BPIFB2: variants seen among roughly 807,000 people sequenced by gnomAD.
BPIFB2 encodes BPI fold-containing family B member 2.
BPIFB2 carries 39 observed loss-of-function variants against 50.1 expected under a neutral mutation model. That is an observed-to-expected ratio of 0.78 (90% CI 0.60 to 1.02). The LOEUF is 1.02. Ranked by LOEUF, BPIFB2 falls within the 50% of genes least tolerant of loss-of-function variation. The pLI is 0.00. For synonymous variants in BPIFB2, 280 were observed against 256.3 expected, an observed-to-expected ratio of 1.09 and a Z score of -0.88; for missense variants, 574 against 585.8, an observed-to-expected ratio of 0.98 and a Z score of 0.21.
chr20:33,015,400 G>A (rs1978381293), intron 5 of BPIFB2, 36 bp from the exon 6 acceptor site: 2 of 1,584,378 alleles, frequency 1.3e-6, no homozygotes, highest in South Asian at 1.1e-5. Context: ...TAATATGTTT[G>A]GGAGCCCAGG....
chr20:33,020,278 C>T (rs772706562), intron 11 of BPIFB2, 50 bp from the exon 12 acceptor site: 2 of 1,568,182 alleles, frequency 1.3e-6, no homozygotes, highest in African/African-American at 1.4e-5. Context: ...GTGGCTGGTG[C>T]CCCCCTCATG....
At chr20:33,019,465 C>T in intron 10 of BPIFB2, 115 bp from the exon 11 acceptor site, 1 of 1,228,068 alleles carries the variant, frequency 8.1e-7, no homozygotes, top group Non-Finnish European at 1.1e-6. Flanking sequence ...GGACCCACCT[C>T]TGTGCCCAGT....
In BPIFB2 at chr20:33,023,647, T is replaced by G; in HGVS notation, c.*264T>G. 1.7e-6 allele frequency: 1 copy of G among 573,744 alleles called. No homozygotes were observed. The highest frequency in any genetic ancestry group is 3.1e-6 in the Non-Finnish European group (1 of 319,108). The allele number at this position is 573,744 out of a possible 1,614,324, so 35.5% of individuals were successfully genotyped here. A position where few individuals can be genotyped will look rare whatever the true frequency, so the allele number is the denominator to read the frequency against. On this transcript the variant is annotated 3_prime_UTR_variant, in exon 16 of 16. Transcript: ENST00000170150. Reference sequence around the variant, plus strand: ...CCCACCCCAGCGGGGAGCAGACTGCTCCTCCAGGCTGTATAGACCTGCCCT... The same window carrying G: ...CCCACCCCAGCGGGGAGCAGACTGCGCCTCCAGGCTGTATAGACCTGCCCT...
rs1173529527 is a variant in BPIFB2, at chr20:33,013,868, A to T, written c.367A>T (p.Thr123Ser). The T allele has an allele frequency of 6.2e-7, 1 of 1,613,708 alleles. No individual in the cohort carries two copies. Among genetic ancestry groups the T allele is most frequent in the East Asian group, 2.2e-5 (1 of 44,830 alleles). The change falls in exon 5 of 16, where the codon ACC becomes TCC. Residue 123 changes from threonine (T) to serine (S), a missense_variant. Thr to Ser is a moderately conservative substitution (Grantham distance 58, BLOSUM62 1). Transcript: ENST00000170150. ...PVELLADTRV[T>S]QSSIRTPVVS... ...GGAACTGCTGGCTGACACCCGCGTG[A>T]CCCAGAGCTCCATCAGGACCCCTGT...
At chr20:33,015,581 G>C in intron 6 of BPIFB2, 85 bp downstream of exon 6, 1 of 1,260,370 alleles carries the variant, frequency 7.9e-7, no homozygotes, top group Non-Finnish European at 1.1e-6. Context: ...TTCAGGCAGG[G>C]GGTACTTTGC....
intron 6 of BPIFB2, 115 bp downstream of exon 6, chr20:33,015,611 AAAG>A: frequency 1.1e-6 from 1 of 927,152 alleles, no homozygotes; most frequent in Non-Finnish European, 1.6e-6. Flanking sequence ...AAAAAAAAAA[AAAG>A]ACGCCCCTTC....
chr20:33,021,759 T>TC lies in BPIFB2; in HGVS notation c.1296dup (p.Asn433GlnfsTer8), dbSNP rs2146356217. 1 of 1,614,148 alleles carries TC rather than the reference T, an allele frequency of 6.2e-7. No individual in the cohort carries two copies. Among genetic ancestry groups the TC allele is most frequent in the East Asian group, 2.2e-5 (1 of 44,872 alleles). On this transcript the variant is annotated frameshift_variant, in exon 15 of 16. Transcript: ENST00000170150. LOFTEE classifies it high-confidence loss of function. ...ATGGGAATTGCCCTCCCTGGTGTGG[T>TC]CAACCTCCACTATGTCGCCCCTGAG... is the stretch of plus-strand genomic sequence containing the variant.
At chr20:33,022,336 A>G (rs907850640) in intron 15 of BPIFB2, among the ~76,000 whole-genome samples, 1 of 152,198 alleles carries the variant, frequency 6.6e-6, no homozygotes, top group Non-Finnish European at 1.5e-5. Flanking sequence ...CTCAAGCCCA[A>G]TGTCTCACGT....
intron 5 of BPIFB2, 62 bp from the exon 6 acceptor site, chr20:33,015,374 G>C: frequency 6.8e-7 from 1 of 1,479,134 alleles, no homozygotes; most frequent in Non-Finnish European, 9.4e-7. Context: ...GTGCGACTGT[G>C]CTGAGTGACG....
At chr20:33,020,053 A>G in intron 11 of BPIFB2, among the ~76,000 whole-genome samples, 1 of 152,228 alleles carries the variant, frequency 6.6e-6, no homozygotes, top group East Asian at 1.9e-4. Context: ...TCCTCTCTGC[A>G]TTTGTGGCCC....
intron 6 of BPIFB2, 133 bp from the exon 7 acceptor site, chr20:33,016,909 G>T: frequency 1.3e-6 from 1 of 765,944 alleles, no homozygotes; most frequent in East Asian, 2.6e-5. Context: ...CTGGCGGGTG[G>T]AGGAAGGGAT....
At chr20:33,019,214 T>C in intron 10 of BPIFB2, 99 bp downstream of exon 10, 1 of 1,463,566 alleles carries the variant, frequency 6.8e-7, no homozygotes, top group Non-Finnish European at 9.6e-7. Flanking sequence ...CTGTCCCAAG[T>C]GAAGTTCAGC....
At chr20:33,022,469 G>T (rs979933641) in intron 15 of BPIFB2, among the ~76,000 whole-genome samples, 7 of 152,176 alleles carry the variant, frequency 4.6e-5, no homozygotes, top group Non-Finnish European at 1.0e-4. Flanking sequence ...GGAACGATTG[G>T]TACACAGAGG....
chr20:33,021,719 G>A lies in BPIFB2; in HGVS notation c.1259-4G>A, dbSNP rs1978679568. 2 of 1,614,002 alleles carry A rather than the reference G, an allele frequency of 1.2e-6. No individual in the cohort carries two copies. Among genetic ancestry groups the A allele is most frequent in the Non-Finnish European group, 1.7e-6 (2 of 1,179,842 alleles). On this transcript the variant is annotated splice_polypyrimidine_tract_variant and splice_region_variant and intron_variant, in intron 14 of 15. Coordinates refer to ENST00000170150, the MANE Select transcript of BPIFB2 (RefSeq NM_025227.3). ...GACGATCCTTTCTTCTTTCTCGCCT[G>A]CAGCTCTCTTGGCCATGGGAATTGC...
intron 15 of BPIFB2, among the ~76,000 whole-genome samples, chr20:33,022,450 C>A (rs142190910): frequency 1.3e-5 from 2 of 152,282 alleles, no homozygotes; most frequent in East Asian, 3.9e-4. Context: ...TTATCCGCCC[C>A]CATGAGAAGG....
intron 11 of BPIFB2, 23 bp from the exon 12 acceptor site, chr20:33,020,305 C>A (rs1187300304): frequency 6.2e-7 from 1 of 1,612,206 alleles, no homozygotes; most frequent in Non-Finnish European, 8.5e-7. Flanking sequence ...TGCCCTCTGA[C>A]CCTGCTCTCC....
At position 33,018,743 on chromosome 20, in the gene BPIFB2, T is replaced by A; in HGVS notation, c.776T>A (p.Leu259His). 6.2e-7 allele frequency: 1 copy of A among 1,614,210 alleles called. No homozygotes were observed. The highest frequency in any genetic ancestry group is 1.1e-5 in the South Asian group (1 of 91,082). Residue 259 changes from leucine (L) to histidine (H), a missense_variant, in exon 9 of 16, where the codon CTC becomes CAC. By Grantham distance (99) the Leu-to-His change is moderately conservative (BLOSUM62 -3). Transcript: ENST00000170150. Reference protein sequence around the residue: ...GTEGSMATVGLSQQLFDSALL... With the variant: ...GTEGSMATVGHSQQLFDSALL... ...GAGGGCTCCATGGCCACCGTGGGCC[T>A]CTCCCAGCAGCTGTTTGACTCTGCG...
Position 33,019,766 on chromosome 20 carries a change from C to A in BPIFB2, c.1080+16C>A, listed in dbSNP as rs1346072565. The A allele has an allele frequency of 1.9e-6, 3 of 1,570,760 alleles. No homozygotes were observed. The highest frequency in any genetic ancestry group is 2.6e-6 in the Non-Finnish European group (3 of 1,155,416). ...CCTGGATGTGGTGAGTGCGGTGGGG[C>A]TGGTCGGAAGGCAGGCAACTGTCAC... On this transcript the variant is annotated intron_variant, in intron 11 of 15. Coordinates refer to ENST00000170150, the MANE Select transcript of BPIFB2 (RefSeq NM_025227.3).
At position 33,008,551 on chromosome 20, in the gene BPIFB2, C is replaced by T. The variant is rs772022878; in HGVS notation, c.-24C>T. 5 of 1,556,860 alleles carry T rather than the reference C, an allele frequency of 3.2e-6. No homozygotes were observed. Among genetic ancestry groups the T allele is most frequent in the African/African-American group, 1.4e-5 (1 of 73,436 alleles). ...TCATTTCTACCCCAGCCCACAGATC[C>T]TGTGGGCAGCGGCCAGGGCAGCCAT... is the stretch of plus-strand genomic sequence containing the variant. On this transcript the variant is annotated 5_prime_UTR_variant, in exon 2 of 16. Transcript: ENST00000170150.
Sources: gnomAD v4.1 joint callset for allele counts (sites outside exome capture counted in the v4.1 genomes callset) on GRCh38, gnomAD v4.1.1 for gene constraint, MANE v1.5 for transcripts, NCBI Gene and HGNC (gene_info 2026-07-23, HGNC 2026-07-21) for gene names.